Variants in PTGER3 observed in about 807,000 individuals in gnomAD.
PTGER3 encodes prostaglandin E2 receptor EP3 subtype.
PTGER3 carries 22 observed loss-of-function variants against 34.7 expected under a neutral mutation model. The observed-to-expected ratio is 0.63, with a 90% confidence interval of 0.45 to 0.91. The LOEUF (loss-of-function observed/expected upper bound fraction) is 0.91. Among genes scored for constraint, PTGER3 ranks in the 40% least tolerant of loss-of-function variants. The pLI is 0.00. For synonymous variants in PTGER3, 241 were observed against 230.1 expected (o/e 1.05, Z -0.43); for missense variants, 468 against 519.4 (o/e 0.90, Z 0.96).
At chr1:71,009,681 T>G (rs1349341302) in intron 2 of PTGER3, 1 of 985,004 alleles carries the variant, frequency 1.0e-6, no homozygotes, top group Non-Finnish European at 1.2e-6. Flanking sequence ...ACCATGGTTT[T>G]CTTGGCCTTT....
At chr1:70,919,411 T>C (rs1647317860) in intron 4 of PTGER3, among the ~76,000 whole-genome samples, 1 of 152,146 alleles carries the variant, frequency 6.6e-6, no homozygotes, top group African/African-American at 2.4e-5. Context: ...TCCAGTGAGC[T>C]GAGAGGAGCT....
chr1:71,012,603 A>C, intron 1 of PTGER3, 119 bp from the exon 2 acceptor site: 2 of 816,638 alleles, frequency 2.4e-6, no homozygotes, highest in Non-Finnish European at 3.8e-6. Flanking sequence ...GAAATGATTA[A>C]TTCAAGCAAC....
chr1:70,875,815 G>T (rs1451063902), intron 4 of PTGER3, among the ~76,000 whole-genome samples: 1 of 151,946 alleles, frequency 6.6e-6, no homozygotes, highest in African/African-American at 2.4e-5. Flanking sequence ...TCTTTTTATG[G>T]CTGTGTAATA....
At chr1:70,889,216 C>T (rs527376390) in intron 4 of PTGER3, among the ~76,000 whole-genome samples, 512 of 151,984 alleles carry the variant, frequency 3.4e-3, no homozygotes, top group African/African-American at 0.012. Flanking sequence ...GAGATCAAGA[C>T]CATCCTGGCT....
At chr1:71,009,857 C>T in intron 2 of PTGER3, 1 of 985,180 alleles carries the variant, frequency 1.0e-6, no homozygotes, top group Non-Finnish European at 1.2e-6. Flanking sequence ...CATATATCCT[C>T]TTTCTAACCA....
chr1:70,883,454 G>T (rs1054288263), intron 4 of PTGER3, among the ~76,000 whole-genome samples: 3 of 151,816 alleles, frequency 2.0e-5, no homozygotes, highest in African/African-American at 7.3e-5. Flanking sequence ...ATACCAATTA[G>T]GTGACTTAAG....
At chr1:71,021,287 C>T (rs1658396469) in intron 1 of PTGER3, among the ~76,000 whole-genome samples, 1 of 152,166 alleles carries the variant, frequency 6.6e-6, no homozygotes, top group South Asian at 2.1e-4. Flanking sequence ...AAAAATTTCC[C>T]TTTCAAGTAG....
At chr1:71,010,531 G>A (rs1657348228) in intron 2 of PTGER3, 1 of 984,116 alleles carries the variant, frequency 1.0e-6, no homozygotes, top group African/African-American at 1.8e-5. Flanking sequence ...TTGCCTCTGT[G>A]TCTATCTGAC....
chr1:71,036,115 T>A (rs1659795841), intron 1 of PTGER3, among the ~76,000 whole-genome samples: 1 of 152,160 alleles, frequency 6.6e-6, no homozygotes, highest in Non-Finnish European at 1.5e-5. Context: ...TTCTGGTAAA[T>A]TTGGAATCAT....
At chr1:70,986,488 G>T (rs755969310) in intron 2 of PTGER3, among the ~76,000 whole-genome samples, 2 of 152,062 alleles carry the variant, frequency 1.3e-5, no homozygotes, top group East Asian at 3.9e-4. Context: ...GTGCCTCAAG[G>T]GTCTTCTGTG....
At chr1:71,008,202 T>C (rs1428912976) in intron 2 of PTGER3, 11 of 945,200 alleles carry the variant, frequency 1.2e-5, no homozygotes, top group African/African-American at 1.8e-5. Context: ...AAATACATAA[T>C]CTAGTAGATA....
chr1:70,974,397 A>C lies in PTGER3; in HGVS notation c.1078-9T>G, dbSNP rs917496671. 1.1e-6 allele frequency: 1 copy of C among 938,084 alleles called. No individual in the cohort carries two copies. Among genetic ancestry groups the C allele is most frequent in the African/African-American group, 1.6e-5 (1 of 61,762 alleles). 58.1% of individuals were successfully genotyped at this position (938,084 alleles called of 1,614,324 possible). ...TTTGTGTGGTACCTGATCTGTGAAC[A>C]GACAGAGGATTTCACAGGACACTTC... On this transcript the variant is annotated splice_polypyrimidine_tract_variant and intron_variant, in intron 2 of 3. Transcript: ENST00000306666.
intron 4 of PTGER3, among the ~76,000 whole-genome samples, chr1:70,877,157 T>C (rs1646289553): frequency 6.6e-6 from 1 of 152,178 alleles, no homozygotes. Context: ...ATTCTCATTA[T>C]GGAGATTTTT....
chr1:70,975,825 T>G (rs1041405681), intron 2 of PTGER3, among the ~76,000 whole-genome samples: 5 of 152,184 alleles, frequency 3.3e-5, no homozygotes, highest in African/African-American at 1.2e-4. Context: ...AACAGGTTTT[T>G]GGGGTCTTTT....
chr1:70,927,737 C>T (rs76094928), intron 4 of PTGER3, among the ~76,000 whole-genome samples: 1,653 of 152,204 alleles, frequency 0.011, 31 homozygotes, highest in African/African-American at 0.037. Context: ...ATAAAGGAGA[C>T]TCTGGAGAAA....
chr1:71,017,603 TAGTG>T (rs1658022088), intron 1 of PTGER3, among the ~76,000 whole-genome samples: 1 of 152,104 alleles, frequency 6.6e-6, no homozygotes, highest in Non-Finnish European at 1.5e-5. Context: ...GTTCTTATAA[TAGTG>T]AGTGACTTCT....
intron 4 of PTGER3, among the ~76,000 whole-genome samples, chr1:70,868,359 T>G (rs1646090612): frequency 6.6e-6 from 1 of 152,234 alleles, no homozygotes; most frequent in African/African-American, 2.4e-5. Context: ...ATTGCCTTAT[T>G]GTTTTCCCTT....
intron 4 of PTGER3, among the ~76,000 whole-genome samples, chr1:70,937,696 C>T (rs774204882): frequency 6.6e-6 from 1 of 152,090 alleles, no homozygotes; most frequent in Non-Finnish European, 1.5e-5. Context: ...TGCTGTGACT[C>T]TCTATATCCC....
chr1:70,936,816 C>A (rs1649275840), intron 4 of PTGER3, among the ~76,000 whole-genome samples: 1 of 152,152 alleles, frequency 6.6e-6, no homozygotes, highest in Non-Finnish European at 1.5e-5. Flanking sequence ...CTACTTTATC[C>A]TTAGCATAAT....
Sources: allele counts gnomAD v4.1 joint callset (sites outside exome capture counted in the v4.1 genomes callset), GRCh38; gene constraint gnomAD v4.1.1; transcripts MANE v1.5; gene names NCBI Gene and HGNC (gene_info 2026-07-23, HGNC 2026-07-21).